JAK2: variants seen among roughly 807,000 people sequenced by gnomAD.
JAK2 encodes Janus kinase 2.
In JAK2, 86 loss-of-function variants were observed where a neutral mutation model predicts 139.3. That is an observed-to-expected ratio of 0.62 (90% CI 0.52 to 0.74). The LOEUF is 0.74. Among genes scored for constraint, JAK2 ranks in the 30% least tolerant of loss-of-function variants. The pLI, the probability that JAK2 is intolerant of heterozygous loss-of-function variation, is 0.00. For missense variants in JAK2, 1,421 were observed against 1,360.3 expected (o/e 1.04, Z -0.70); for synonymous variants, 490 against 437.7 (o/e 1.12, Z -1.49).
intron 2 of JAK2, among the ~76,000 whole-genome samples, chr9:4,987,375 T>A (rs960166357): frequency 6.6e-6 from 1 of 152,118 alleles, no homozygotes; most frequent in African/African-American, 2.4e-5. Context: ...TGAGGCAGAA[T>A]AGGAAAGTGC....
rs1385943091 is a variant in JAK2, at chr9:5,021,974, GA to G, written c.-9del. On this transcript the variant is annotated 5_prime_UTR_variant, in exon 3 of 25. Coordinates refer to ENST00000381652, the MANE Select transcript of JAK2 (RefSeq NM_004972.4). Reference sequence around the variant, plus strand: ...GTTTTCTCTTACAGGCAAATGTTCTGAAAAAGACTCTGCATGGGAATGGCCT... The same window carrying G: ...GTTTTCTCTTACAGGCAAATGTTCTGAAAAGACTCTGCATGGGAATGGCCT... 3.1e-6 allele frequency: 5 copies of G among 1,596,304 alleles called. No individual in the cohort carries two copies. Among genetic ancestry groups the G allele is most frequent in the Non-Finnish European group, 4.3e-6 (5 of 1,164,384 alleles).
chr9:5,058,113 T>C (rs1299344084), intron 8 of JAK2, among the ~76,000 whole-genome samples: 1 of 152,232 alleles, frequency 6.6e-6, no homozygotes, highest in African/African-American at 2.4e-5. Context: ...GTCACTTTTT[T>C]ACTTTTTGAC....
chr9:4,984,745 CGCG>C (rs1819840867), upstream of JAK2: 1 of 152,340 alleles, frequency 6.6e-6, no homozygotes, highest in Non-Finnish European at 1.5e-5. Flanking sequence ...GTGCAGGCTG[CGCG>C]CTGGGGAGCC....
chr9:5,019,330 T>C (rs1464534557), intron 2 of JAK2, among the ~76,000 whole-genome samples: 2 of 152,148 alleles, frequency 1.3e-5, no homozygotes, highest in Non-Finnish European at 1.5e-5. Context: ...TGCTCTAGAA[T>C]GTATTTTTTA....
At chr9:5,069,893 T>C in intron 11 of JAK2, 32 bp from the exon 12 acceptor site, 1 of 1,444,632 alleles carries the variant, frequency 6.9e-7, no homozygotes, top group South Asian at 1.3e-5. Context: ...CAGTGTATTT[T>C]GAAGTGATAT....
intron 18 of JAK2, among the ~76,000 whole-genome samples, chr9:5,081,117 G>A (rs957476536): frequency 2.0e-5 from 3 of 151,710 alleles, no homozygotes; most frequent in South Asian, 2.1e-4. Context: ...GGATGGTCTC[G>A]ATCTCCTGAT....
chr9:5,112,318 C>T, intron 22 of JAK2: 1 of 279,194 alleles, frequency 3.6e-6, no homozygotes, highest in Non-Finnish European at 6.9e-6. Context: ...GCTAGCCAGG[C>T]GCCCTCCCCG....
intron 2 of JAK2, among the ~76,000 whole-genome samples, chr9:5,011,845 A>C (rs926557244): frequency 1.3e-5 from 2 of 152,120 alleles, no homozygotes; most frequent in African/African-American, 2.4e-5. Flanking sequence ...GGACAGGTCT[A>C]TTTCAGTTTT....
At chr9:5,123,638 G>A (rs1242568016) in intron 23 of JAK2, among the ~76,000 whole-genome samples, 2 of 151,832 alleles carry the variant, frequency 1.3e-5, no homozygotes, top group Non-Finnish European at 1.5e-5. Flanking sequence ...TTTTGATACA[G>A]TGATTTCTTG....
At chr9:5,085,937 G>A in intron 19 of JAK2, 1 of 1,110,572 alleles carries the variant, frequency 9.0e-7, no homozygotes, top group Non-Finnish European at 1.4e-6. Context: ...CTCTCCAACC[G>A]AGTTTGAAAG....
intron 19 of JAK2, chr9:5,086,196 G>GC: frequency 7.3e-6 from 4 of 550,548 alleles, no homozygotes; most frequent in Non-Finnish European, 9.6e-6. Flanking sequence ...CAGCCGCGCC[G>GC]CCCCCGCCAC....
chr9:5,112,752 A>T, intron 22 of JAK2: 2 of 671,344 alleles, frequency 3.0e-6, no homozygotes, highest in Non-Finnish European at 4.6e-6. Context: ...AAACGGCGAG[A>T]AGAGAAGGTG....
intron 3 of JAK2, among the ~76,000 whole-genome samples, chr9:5,025,639 T>C (rs993035556): frequency 1.3e-5 from 2 of 151,942 alleles, no homozygotes; most frequent in Non-Finnish European, 2.9e-5. Context: ...GTTCAAGTGA[T>C]TCATTTCCCT....
In JAK2 at chr9:5,029,772, T is replaced by C. The variant is rs1341480709; in HGVS notation, c.227-11T>C. 3 of 1,599,990 alleles carry C rather than the reference T, an allele frequency of 1.9e-6. No individual in the cohort carries two copies. The highest frequency in any genetic ancestry group is 2.6e-6 in the Non-Finnish European group (3 of 1,173,818). ...TACCTTTAATAATTCCTTTCTCTGC[T>C]TCTTTTCTAGGTATCACACCTGTGT... On this transcript the variant is annotated splice_polypyrimidine_tract_variant and intron_variant, in intron 3 of 24. Transcript: ENST00000381652.
chr9:5,056,314 G>A (rs1211582656), intron 8 of JAK2, among the ~76,000 whole-genome samples: 6 of 151,924 alleles, frequency 3.9e-5, no homozygotes, highest in Non-Finnish European at 8.8e-5. Context: ...TTATTTTAAT[G>A]TAAATAGGAG....
chr9:5,115,468 G>T (rs948409735), intron 22 of JAK2, among the ~76,000 whole-genome samples: 5 of 152,192 alleles, frequency 3.3e-5, no homozygotes, highest in Non-Finnish European at 4.4e-5. Context: ...TGATGGGAGT[G>T]TAAATTAGTT....
chr9:5,066,407 C>T (rs1195969439), intron 9 of JAK2, among the ~76,000 whole-genome samples: 5 of 152,008 alleles, frequency 3.3e-5, no homozygotes, highest in African/African-American at 1.2e-4. Flanking sequence ...GCAGAAAAAT[C>T]AAATGAACAA....
chr9:5,006,797 T>G (rs937470990), intron 2 of JAK2, among the ~76,000 whole-genome samples: 3 of 152,172 alleles, frequency 2.0e-5, no homozygotes, highest in Non-Finnish European at 4.4e-5. Flanking sequence ...CAACATGAGA[T>G]TTGGGTGGGG....
chr9:5,127,794 A>AT lies in JAK2; in HGVS notation c.*1009dup, dbSNP rs1443571347. 1.7e-5 allele frequency: 4 copies of AT among 232,468 alleles called. No homozygotes were observed. The highest frequency in any genetic ancestry group is 3.4e-5 in the Non-Finnish European group (4 of 117,288). The allele number at this position is 232,468 out of a possible 1,614,324, so 14.4% of individuals were successfully genotyped here. On this transcript the variant is annotated 3_prime_UTR_variant, in exon 25 of 25. Coordinates refer to ENST00000381652, the MANE Select transcript of JAK2 (RefSeq NM_004972.4). The stretch of plus-strand genomic sequence containing the variant: ...CATTAAGAAGTGCAGCAGGTTAAGA[A>AT]TTTTTTCCTAAAGACTGTATATTTG...
Sources: gnomAD v4.1 joint callset for allele counts (sites outside exome capture counted in the v4.1 genomes callset) on GRCh38, gnomAD v4.1.1 for gene constraint, MANE v1.5 for transcripts, NCBI Gene and HGNC (gene_info 2026-07-23, HGNC 2026-07-21) for gene names.